The following LGSN variants were observed in gnomAD, a reference collection of about 807,000 sequenced individuals.
The protein encoded by LGSN is lengsin, lens protein with glutamine synthetase domain, also known as lengsin.
LGSN carries 21 observed loss-of-function variants against 19.5 expected under a neutral mutation model. The ratio of observed to expected loss-of-function variants is 1.07; its 90% CI spans 0.76 to 1.55. LGSN has a LOEUF of 1.55. LGSN is among the 40% of genes most tolerant of loss of function. The pLI is 0.00. For missense variants in LGSN, 673 were observed against 608.5 expected, an observed-to-expected ratio of 1.11 and a Z score of -1.12; for synonymous variants, 257 against 215.6, an observed-to-expected ratio of 1.19 and a Z score of -1.68.
the LGSN span, among the ~76,000 whole-genome samples, chr6:63,508,256 C>G: frequency 7.2e-5 from 11 of 152,266 alleles, no homozygotes; most frequent in African/African-American, 2.6e-4. Context: ...TTCTTAGGCT[C>G]ATTTTCCTCA....
chr6:63,369,450 G>C, the LGSN span, among the ~76,000 whole-genome samples: 1 of 152,196 alleles, frequency 6.6e-6, no homozygotes, highest in Non-Finnish European at 1.5e-5. Flanking sequence ...GACAGGCAAA[G>C]TGGTAGTTTG....
chr6:63,500,330 A>AGAGT, the LGSN span, among the ~76,000 whole-genome samples: 10 of 152,194 alleles, frequency 6.6e-5, no homozygotes, highest in Non-Finnish European at 1.3e-4. Flanking sequence ...AATGGTCAAG[A>AGAGT]GCACTGGCTT....
the LGSN span, among the ~76,000 whole-genome samples, chr6:63,524,647 C>T: frequency 1.3e-5 from 2 of 152,084 alleles, no homozygotes; most frequent in Non-Finnish European, 2.9e-5. Flanking sequence ...TACTGAATGA[C>T]TCTGAGCTTC....
intron 1 of LGSN, among the ~76,000 whole-genome samples, chr6:63,316,270 G>A (rs760216777): frequency 1.3e-5 from 2 of 152,130 alleles, no homozygotes; most frequent in Non-Finnish European, 2.9e-5. Context: ...TGTGAAAGAA[G>A]TATCAGAATG....
the LGSN span, among the ~76,000 whole-genome samples, chr6:63,492,579 C>T: frequency 6.6e-6 from 1 of 152,112 alleles, no homozygotes; most frequent in East Asian, 1.9e-4. Context: ...TTTCCTAAGA[C>T]CTTACATCTT....
chr6:63,506,979 G>A, the LGSN span, among the ~76,000 whole-genome samples: 5 of 152,134 alleles, frequency 3.3e-5, no homozygotes, highest in African/African-American at 1.2e-4. Context: ...AGAAGAATGA[G>A]GAAGGGAAGA....
At chr6:63,428,754 C>A in the LGSN span, among the ~76,000 whole-genome samples, 2 of 152,168 alleles carry the variant, frequency 1.3e-5, no homozygotes, top group Non-Finnish European at 2.9e-5. Context: ...ATTAGGTGCT[C>A]CCATTTCTTC....
At chr6:63,510,537 C>G in the LGSN span, among the ~76,000 whole-genome samples, 1 of 137,738 alleles carries the variant, frequency 7.3e-6, no homozygotes, top group Admixed American at 7.6e-5. Context: ...TCCCCTTATT[C>G]TATTCCCCCA....
chr6:63,450,133 G>C, the LGSN span, among the ~76,000 whole-genome samples: 1 of 148,952 alleles, frequency 6.7e-6, no homozygotes, highest in African/African-American at 2.5e-5. Context: ...GATCACATGA[G>C]GTCAGGAGTT....
At chr6:63,292,796 C>T (rs1264645406) in intron 2 of LGSN, among the ~76,000 whole-genome samples, 1 of 152,168 alleles carries the variant, frequency 6.6e-6, no homozygotes, top group African/African-American at 2.4e-5. Context: ...TGTAATAAAC[C>T]ATAACCTTGA....
the LGSN span, among the ~76,000 whole-genome samples, chr6:63,478,283 TA>T: frequency 6.6e-6 from 1 of 152,136 alleles, no homozygotes; most frequent in Non-Finnish European, 1.5e-5. Flanking sequence ...AAAAAATGTT[TA>T]AAATGTATAA....
At chr6:63,471,170 G>T in the LGSN span, among the ~76,000 whole-genome samples, 1 of 150,930 alleles carries the variant, frequency 6.6e-6, no homozygotes, top group East Asian at 2.0e-4. Context: ...TAGAGACAGG[G>T]TTTTGCCATG....
chr6:63,302,041 G>A (rs1487422464), intron 1 of LGSN, among the ~76,000 whole-genome samples: 1 of 151,894 alleles, frequency 6.6e-6, no homozygotes. Context: ...TGTTCCAAAA[G>A]GTCCCTGAAG....
At chr6:63,398,207 TAAAA>T in the LGSN span, among the ~76,000 whole-genome samples, 637 of 109,728 alleles carry the variant, frequency 5.8e-3, 8 homozygotes, top group African/African-American at 0.017. Flanking sequence ...TCCTATTTAC[TAAAA>T]AAAAAAAAAA....
the LGSN span, among the ~76,000 whole-genome samples, chr6:63,523,812 C>G: frequency 3.3e-3 from 495 of 152,074 alleles, 2 homozygotes; most frequent in African/African-American, 0.011. Context: ...CAGTGGGGCC[C>G]GGAGAAGCCA....
the LGSN span, among the ~76,000 whole-genome samples, chr6:63,449,091 T>G: frequency 4.6e-5 from 7 of 152,206 alleles, no homozygotes; most frequent in African/African-American, 1.7e-4. Flanking sequence ...CTGGGGATTT[T>G]GGTATCTGCC....
the LGSN span, among the ~76,000 whole-genome samples, chr6:63,346,921 A>T: frequency 6.6e-6 from 1 of 152,188 alleles, no homozygotes; most frequent in East Asian, 1.9e-4. Flanking sequence ...TGCTGAACAC[A>T]TGGAGAAGCT....
chr6:63,507,065 T>C, the LGSN span, among the ~76,000 whole-genome samples: 2 of 152,316 alleles, frequency 1.3e-5, no homozygotes, highest in African/African-American at 4.8e-5. Context: ...GGTCCCCATG[T>C]ATCTATACAA....
the LGSN span, among the ~76,000 whole-genome samples, chr6:63,434,702 G>A: frequency 6.6e-6 from 1 of 151,814 alleles, no homozygotes; most frequent in African/African-American, 2.4e-5. Context: ...GGAAGCTGGA[G>A]CAGTAAATAC....
Sources: gnomAD v4.1 joint callset for allele counts (sites outside exome capture counted in the v4.1 genomes callset) on GRCh38, gnomAD v4.1.1 for gene constraint, MANE v1.5 for transcripts, NCBI Gene and HGNC (gene_info 2026-07-23, HGNC 2026-07-21) for gene names.